Variants in ITGA3 observed in about 807,000 individuals in gnomAD.
ITGA3 encodes the protein integrin subunit alpha 3.
ITGA3 carries 70 observed loss-of-function variants against 131.1 expected under a neutral mutation model. The observed-to-expected ratio is 0.53, with a 90% confidence interval of 0.44 to 0.65. The LOEUF is 0.65. ITGA3 is among the 30% of genes least tolerant of loss of function. The pLI is 0.00. For missense variants in ITGA3, 1,098 were observed against 1,388.6 expected (o/e 0.79, Z 3.33); for synonymous variants, 537 against 571.6 (o/e 0.94, Z 0.86).
At chr17:50,076,801 C>T in intron 14 of ITGA3, 120 bp downstream of exon 14, 1 of 1,180,108 alleles carries the variant, frequency 8.5e-7, no homozygotes, top group Non-Finnish European at 1.2e-6. Context: ...TTAGCGGGAA[C>T]AGGTGGGATG....
At position 50,079,506 on chromosome 17, in the gene ITGA3, C is replaced by T. The variant is rs1909086012; in HGVS notation, c.2655C>T (p.Pro885=). Reference sequence around the variant, plus strand: ...TGGATCCAGGGGGAGGCCAGGGCCCCCCACCTGTCACTCTGGCTGCTGCCA... The same window carrying T: ...TGGATCCAGGGGGAGGCCAGGGCCCTCCACCTGTCACTCTGGCTGCTGCCA... ...RQLDPGGGQG[P]PPVTLAAAKK... Residue 885 remains proline, a synonymous_variant, in exon 21 of 26, where the codon CCC becomes CCT. Coordinates refer to ENST00000320031, the MANE Select transcript of ITGA3 (RefSeq NM_002204.4). 1.3e-6 allele frequency: 2 copies of T among 1,576,288 alleles called. No individual in the cohort carries two copies. Among genetic ancestry groups the T allele is most frequent in the Non-Finnish European group, 1.7e-6 (2 of 1,162,624 alleles).
Position 50,077,408 on chromosome 17 carries a change from C to G in ITGA3, c.2100C>G (p.Ile700Met). The G allele has an allele frequency of 6.2e-7, 1 of 1,614,102 alleles. No homozygotes were observed. Among genetic ancestry groups the G allele is most frequent in the Non-Finnish European group, 8.5e-7 (1 of 1,179,964 alleles). ...PPGACQANET[I>M]FCELGNPFKR... The stretch of plus-strand genomic sequence containing the variant: ...GGGCCTGCCAAGCTAATGAGACCAT[C>G]TTTTGCGAGCTGGGGAACCCCTTCA... Residue 700 changes from isoleucine (I) to methionine (M), a missense_variant, in exon 16 of 26, where the codon ATC (isoleucine) becomes ATG (methionine). This residue lies in a region of ITGA3 where 699 missense variants were observed against 829.2 expected (regional missense o/e 0.84). Transcript: ENST00000320031.
intron 22 of ITGA3, 23 bp from the exon 23 acceptor site, chr17:50,081,287 G>A: frequency 6.6e-7 from 1 of 1,506,514 alleles, no homozygotes. Context: ...TGTTCCCCTT[G>A]ACCCACCCCA....
chr17:50,087,633 C>A, intron 23 of ITGA3, 111 bp from the exon 24 acceptor site: 2 of 1,262,642 alleles, frequency 1.6e-6, no homozygotes, highest in South Asian at 1.4e-5. Flanking sequence ...CAGGCTGCCC[C>A]CTACTGGCAG....
At chr17:50,068,814 T>TTTTTTTTA (rs1555554349) in intron 4 of ITGA3, among the ~76,000 whole-genome samples, 10 of 118,726 alleles carry the variant, frequency 8.4e-5, no homozygotes, top group South Asian at 2.8e-4. Context: ...AATCAGTCTT[T>TTTTTTTTA]TTTATTTATT....
At chr17:50,075,781 A>C (rs1255693316) in intron 12 of ITGA3, 46 bp downstream of exon 12, 3 of 1,604,900 alleles carry the variant, frequency 1.9e-6, no homozygotes, top group South Asian at 2.2e-5. Flanking sequence ...AGGTCCCTGG[A>C]GGAGGTGGCC....
chr17:50,076,130 C>T (rs1217090077), intron 12 of ITGA3, among the ~76,000 whole-genome samples, 196 bp from the exon 13 acceptor site: 4 of 150,654 alleles, frequency 2.7e-5, no homozygotes, highest in Admixed American at 1.3e-4. Flanking sequence ...GAGGAGAAGC[C>T]CTGTCTCTCC....
intron 23 of ITGA3, among the ~76,000 whole-genome samples, 169 bp downstream of exon 23, chr17:50,081,577 C>A (rs138729544): frequency 1.0e-3 from 159 of 152,284 alleles, no homozygotes; most frequent in African/African-American, 3.7e-3. Flanking sequence ...GAGCAATTAA[C>A]CCCGGGTCCC....
chr17:50,084,084 A>G (rs984065807), intron 23 of ITGA3, among the ~76,000 whole-genome samples: 26 of 151,904 alleles, frequency 1.7e-4, no homozygotes, highest in Non-Finnish European at 3.2e-4. Context: ...AAATACAAAA[A>G]TTAACTGGGC....
At chr17:50,074,766 C>T (rs1178108051) in intron 10 of ITGA3, among the ~76,000 whole-genome samples, 3 of 152,160 alleles carry the variant, frequency 2.0e-5, no homozygotes, top group East Asian at 1.9e-4. Context: ...GAGCTCTGGA[C>T]GGCCTGGTTC....
In ITGA3 at chr17:50,079,117, G is replaced by A; in HGVS notation, c.2442G>A (p.Leu814=). The change falls in exon 20 of 26, where the codon CTG becomes CTA. Residue 814 remains leucine (L), a synonymous_variant. Coordinates refer to ENST00000320031, the MANE Select transcript of ITGA3 (RefSeq NM_002204.4). Reference sequence around the variant, plus strand: ...AGGGGCTGGTGGGCCTGGGGACCCTGGTCCTAGGTCTGGAGTGGCCCTACG... The same window carrying A: ...AGGGGCTGGTGGGCCTGGGGACCCTAGTCCTAGGTCTGGAGTGGCCCTACG... ...MGEGLVGLGT[L]VLGLEWPYEV... The A allele has an allele frequency of 1.9e-6, 3 of 1,613,868 alleles. No homozygotes were observed. The highest frequency in any genetic ancestry group is 2.5e-6 in the Non-Finnish European group (3 of 1,179,962).
chr17:50,072,072 C>A lies in ITGA3; in HGVS notation c.1046C>A (p.Ala349Glu). 1 of 1,614,030 alleles carries A rather than the reference C, an allele frequency of 6.2e-7. No homozygotes were observed. The change falls in exon 7 of 26, where the codon GCG (alanine) becomes GAG (glutamate). Residue 349 changes from alanine to glutamate, a missense_variant. Ala to Glu is a moderately radical substitution (Grantham distance 107). Coordinates refer to ENST00000320031, the MANE Select transcript of ITGA3 (RefSeq NM_002204.4). ...GGAIYVFMNQ[A>E]GTSFPAHPSL... is the part of the protein sequence containing the mutation. ...GCCATCTATGTCTTCATGAACCAGG[C>A]GGGAACCTCCTTCCCTGCTCACCCC...
At chr17:50,074,071 A>G in intron 8 of ITGA3, 67 bp downstream of exon 8, 1 of 1,553,060 alleles carries the variant, frequency 6.4e-7, no homozygotes, top group Non-Finnish European at 8.9e-7. Context: ...GCTTTCCTTC[A>G]CCCAACCCTT....
Position 50,056,459 on chromosome 17 carries a change from GCGCGCCCCGCGCCCCA to G in ITGA3, c.24_39del (p.Pro9Ter). On this transcript the variant is annotated frameshift_variant, in exon 1 of 26. Transcript: ENST00000320031. LOFTEE classifies it high-confidence loss of function. The surrounding 1 kb of genome is among the most constrained non-coding windows in gnomAD (Gnocchi z 5.6). The stretch of plus-strand genomic sequence containing the variant: ...GCAGCCATGGGCCCCGGCCCCAGCC[GCGCGCCCCGCGCCCCA>G]CGCCTGATGCTCTGTGCGCTCGCCT... 1 of 1,535,196 alleles carries G rather than the reference GCGCGCCCCGCGCCCCA, an allele frequency of 6.5e-7. No homozygotes were observed. The highest frequency in any genetic ancestry group is 1.4e-5 in the African/African-American group (1 of 71,348).
intron 3 of ITGA3, chr17:50,065,046 G>A (rs1233155396): frequency 1.3e-5 from 2 of 156,664 alleles, no homozygotes; most frequent in African/African-American, 4.8e-5. Flanking sequence ...CTAATCAAAT[G>A]TGTCACCTCC....
Position 50,076,320 on chromosome 17 carries a change from C to G in ITGA3, c.1675-6C>G. The G allele has an allele frequency of 6.2e-7, 1 of 1,612,746 alleles. No individual in the cohort carries two copies. The highest frequency in any genetic ancestry group is 8.5e-7 in the Non-Finnish European group (1 of 1,179,494). Reference sequence around the variant, plus strand: ...GGGCCGGGCTCAGCTCACCCTCTCTCCCCAGGACAACCTCCGTGACAAACT... The same window carrying G: ...GGGCCGGGCTCAGCTCACCCTCTCTGCCCAGGACAACCTCCGTGACAAACT... On this transcript the variant is annotated splice_region_variant and splice_polypyrimidine_tract_variant and intron_variant, in intron 12 of 25. Transcript: ENST00000320031.
intron 3 of ITGA3, among the ~76,000 whole-genome samples, chr17:50,067,011 G>A (rs1908376923): frequency 6.6e-6 from 1 of 152,158 alleles, no homozygotes; most frequent in African/African-American, 2.4e-5. Flanking sequence ...TCACTGAAAT[G>A]CCTTTTTGAT....
At chr17:50,076,834 C>G (rs1908930467) in intron 14 of ITGA3, 140 bp from the exon 15 acceptor site, 1 of 1,176,008 alleles carries the variant, frequency 8.5e-7, no homozygotes, top group East Asian at 2.5e-5. Context: ...GCTTTCTCCT[C>G]CAGGTGCGAC....
At chr17:50,076,773 G>C (rs1908927178) in intron 14 of ITGA3, 92 bp downstream of exon 14, 2 of 1,281,346 alleles carry the variant, frequency 1.6e-6, no homozygotes, top group Admixed American at 1.8e-5. Flanking sequence ...ATGGCAAGGC[G>C]AGCCCAGGGA....
Sources: allele counts gnomAD v4.1 joint callset (sites outside exome capture counted in the v4.1 genomes callset), GRCh38; gene constraint gnomAD v4.1.1; regional missense constraint gnomAD v4.1.1; non-coding constraint Gnocchi (gnomAD v3.1); transcripts MANE v1.5; gene names NCBI Gene and HGNC (gene_info 2026-07-23, HGNC 2026-07-21).